Variants in CPT1A observed in about 807,000 individuals in gnomAD.
CPT1A encodes carnitine palmitoyltransferase 1A.
Under a neutral mutation model 100.8 loss-of-function variants are expected in CPT1A, and 64 were observed. The ratio of observed to expected loss-of-function variants is 0.63; its 90% CI spans 0.52 to 0.78. CPT1A has a LOEUF of 0.78. Ranked by LOEUF, CPT1A falls within the 30% of genes least tolerant of loss-of-function variation. CPT1A has a pLI of 0.00. For missense variants in CPT1A, 802 were observed against 1,034.1 expected, an observed-to-expected ratio of 0.78 and a Z score of 3.08; for synonymous variants, 363 against 396.0, an observed-to-expected ratio of 0.92 and a Z score of 0.99.
At chr11:68,774,186 A>G (rs1260112108) in intron 13 of CPT1A, among the ~76,000 whole-genome samples, 1 of 152,186 alleles carries the variant, frequency 6.6e-6, no homozygotes, top group East Asian at 1.9e-4. Flanking sequence ...TAAAGTTTTT[A>G]AAATAAACTT....
At chr11:68,784,619 CA>C (rs1356342544) in intron 10 of CPT1A, among the ~76,000 whole-genome samples, 195 bp downstream of exon 10, 2 of 152,188 alleles carry the variant, frequency 1.3e-5, no homozygotes, top group Non-Finnish European at 2.9e-5. Context: ...GACACACACA[CA>C]GGGGTGGCCA....
chr11:68,799,391 TA>T, intron 5 of CPT1A, 36 bp from the exon 6 acceptor site: 1 of 1,607,254 alleles, frequency 6.2e-7, no homozygotes, highest in Non-Finnish European at 8.5e-7. Flanking sequence ...TCACCCAAGT[TA>T]AAACATATTA....
rs143514856 is a variant in CPT1A at position 68,820,371 on chromosome 11, C to T, written c.-13-4884G>A. Among the ~76,000 whole-genome samples the T allele has an allele frequency of 3.0e-4, 46 of 151,994 alleles. No individual in the cohort carries two copies. In the East Asian group the frequency reaches 7.8e-3, roughly 26 times the overall value. The stretch of plus-strand genomic sequence containing the variant: ...AGTCTCAGTTATCCATGGTCAACCA[C>T]CATCTGAAAATATTAAATGGAAAAC... On this transcript the variant is annotated intron_variant, in intron 1 of 18. Coordinates refer to ENST00000265641, the MANE Select transcript of CPT1A (RefSeq NM_001876.4).
chr11:68,838,572 T>TTAAAAAAA (rs1491356211), intron 1 of CPT1A, among the ~76,000 whole-genome samples: 1 of 95,514 alleles, frequency 1.0e-5, no homozygotes, highest in African/African-American at 5.1e-5. Context: ...TGCACCTTTT[T>TTAAAAAAA]AAAAAAAAAA....
At chr11:68,799,647 T>C (rs566102804) in intron 5 of CPT1A, among the ~76,000 whole-genome samples, 2 of 151,798 alleles carry the variant, frequency 1.3e-5, no homozygotes, top group African/African-American at 4.8e-5. Flanking sequence ...CCCAGCTACC[T>C]GGGGGGCTGA....
intron 2 of CPT1A, among the ~76,000 whole-genome samples, chr11:68,813,862 T>C (rs1204895275): frequency 1.3e-5 from 2 of 152,170 alleles, no homozygotes; most frequent in Admixed American, 1.3e-4. Flanking sequence ...ATCTCGGATG[T>C]CACCTTGGTG....
intron 9 of CPT1A, among the ~76,000 whole-genome samples, chr11:68,786,950 A>T (rs1855479615): frequency 3.3e-5 from 5 of 152,244 alleles, no homozygotes; most frequent in Admixed American, 3.3e-4. Context: ...CTTTAAAGTC[A>T]CAAACAAGAC....
At chr11:68,759,478 C>CT in intron 18 of CPT1A, 91 bp downstream of exon 18, 1 of 886,416 alleles carries the variant, frequency 1.1e-6, no homozygotes. Context: ...GTTGAATTGA[C>CT]TTTTTCTGTC....
At position 68,783,648 on chromosome 11, in the gene CPT1A, C is replaced by G. The variant is rs539564591; in HGVS notation, c.1163+1167G>C. On this transcript the variant is annotated intron_variant, in intron 10 of 18. Coordinates refer to ENST00000265641, the MANE Select transcript of CPT1A (RefSeq NM_001876.4). ...CTCTCAGCTGGGGACAACAGTGTCC[C>G]CCTGATGCTGGGCAATGTCTGCGAC... Among the ~76,000 whole-genome samples, 8 of 152,334 alleles carry G rather than the reference C, an allele frequency of 5.3e-5. No individual in the cohort carries two copies. In the South Asian group the frequency reaches 1.7e-3, roughly 32 times the overall value.
intron 1 of CPT1A, among the ~76,000 whole-genome samples, chr11:68,838,848 G>A (rs1326862224): frequency 6.6e-6 from 1 of 152,198 alleles, no homozygotes. Flanking sequence ...GATTACAGGC[G>A]TGAGCCACGG....
intron 13 of CPT1A, among the ~76,000 whole-genome samples, chr11:68,775,101 CAG>C (rs1372281422): frequency 6.6e-6 from 1 of 152,144 alleles, no homozygotes; most frequent in African/African-American, 2.4e-5. Context: ...GAGCTTCAAA[CAG>C]AAGAAGAAAT....
At chr11:68,767,227 C>T (rs534928433) in intron 14 of CPT1A, among the ~76,000 whole-genome samples, 25 of 152,310 alleles carry the variant, frequency 1.6e-4, no homozygotes, top group Non-Finnish European at 2.9e-5. Flanking sequence ...GGCCTATGAG[C>T]CACAGTCTGC....
chr11:68,781,196 G>A (rs1855302677), intron 11 of CPT1A, among the ~76,000 whole-genome samples: 1 of 152,164 alleles, frequency 6.6e-6, no homozygotes, highest in African/African-American at 2.4e-5. Context: ...TCCCCTGCCT[G>A]AGTCCAGGGA....
Position 68,833,741 on chromosome 11 carries a change from G to GA in CPT1A, c.-14+8033dup, listed in dbSNP as rs796493805. On this transcript the variant is annotated intron_variant, in intron 1 of 18. Transcript: ENST00000265641. ...AAGAGCGAAACTCCATCTCAAAAAAGAAAAAAAAAAAGAAATTGTTTCCCA... is the reference window on the plus strand; with the variant it reads ...AAGAGCGAAACTCCATCTCAAAAAAGAAAAAAAAAAAAGAAATTGTTTCCCA... Among the ~76,000 whole-genome samples, 461 of 138,752 alleles carry GA rather than the reference G, an allele frequency of 3.3e-3. 1 individual carries two copies. The highest frequency in any genetic ancestry group is 0.011 in the African/African-American group (414 of 37,872). The allele number at this position is 138,752 out of a possible 152,430, so 91.0% of individuals were successfully genotyped here. A position where few individuals can be genotyped will look rare whatever the true frequency, so the allele number is the denominator to read the frequency against.
At chr11:68,826,564 C>G (rs906501423) in intron 1 of CPT1A, among the ~76,000 whole-genome samples, 5 of 151,632 alleles carry the variant, frequency 3.3e-5, no homozygotes, top group African/African-American at 7.3e-5. Context: ...GAAACCCCAT[C>G]TCTACTAAAA....
chr11:68,823,790 A>AAAAGAAAGAAAG (rs113830868), intron 1 of CPT1A, among the ~76,000 whole-genome samples: 9 of 151,180 alleles, frequency 6.0e-5, no homozygotes, highest in African/African-American at 2.0e-4. Flanking sequence ...ACTCTGTCTC[A>AAAAGAAAGAAAG]AAAGAAAGAA....
chr11:68,773,052 A>C (rs922354812), intron 14 of CPT1A, among the ~76,000 whole-genome samples: 4 of 152,152 alleles, frequency 2.6e-5, no homozygotes, highest in Non-Finnish European at 4.4e-5. Context: ...GTCAGCTGGG[A>C]ATCTACGCCT....
At chr11:68,760,082 T>G in intron 17 of CPT1A, 143 bp downstream of exon 17, 2 of 684,180 alleles carry the variant, frequency 2.9e-6, no homozygotes. Context: ...AGGACATCCA[T>G]AGCAATGATC....
At chr11:68,822,300 G>C (rs1449266687) in intron 1 of CPT1A, among the ~76,000 whole-genome samples, 3 of 152,120 alleles carry the variant, frequency 2.0e-5, no homozygotes, top group African/African-American at 7.2e-5. Flanking sequence ...GCAAGGCCAA[G>C]ACAGGAGGAT....
Sources: allele counts gnomAD v4.1 joint callset (sites outside exome capture counted in the v4.1 genomes callset), GRCh38; gene constraint gnomAD v4.1.1; transcripts MANE v1.5; gene names NCBI Gene and HGNC (gene_info 2026-07-23, HGNC 2026-07-21).